The following LRRTM1 variants were observed in gnomAD, a reference collection of about 807,000 sequenced individuals.
The protein encoded by LRRTM1 is leucine rich repeat transmembrane neuronal 1.
Under a neutral mutation model 37.3 loss-of-function variants are expected in LRRTM1, and 8 were observed. The ratio of observed to expected loss-of-function variants is 0.21; its 90% CI spans 0.13 to 0.39. LRRTM1 has a LOEUF of 0.39. Among genes scored for constraint, LRRTM1 ranks in the 10% least tolerant of loss-of-function variants. The probability of loss-of-function intolerance (pLI) is 1.00; values close to 1 mark genes in which losing one functional copy is unlikely to be tolerated. For synonymous variants in LRRTM1, 326 were observed against 316.8 expected, an observed-to-expected ratio of 1.03 and a Z score of -0.31; for missense variants, 557 against 691.0, an observed-to-expected ratio of 0.81 and a Z score of 2.17.
At chr2:80,292,464 A>G (rs1675345904) in intron 2 of LRRTM1, among the ~76,000 whole-genome samples, 1 of 152,104 alleles carries the variant, frequency 6.6e-6, no homozygotes, top group African/African-American at 2.4e-5. Flanking sequence ...GAGGATGCTA[A>G]TACTACTCTG....
In LRRTM1 at chr2:80,303,436, C is replaced by T. The variant is rs200965141; in HGVS notation, c.384G>A (p.Leu128=). The T allele has an allele frequency of 2.5e-6, 4 of 1,614,172 alleles. No homozygotes were observed. Among genetic ancestry groups the T allele is most frequent in the Non-Finnish European group, 3.4e-6 (4 of 1,180,040 alleles). The change falls in exon 2 of 2, where the codon CTG becomes CTA. Residue 128 remains leucine (L), a synonymous_variant. Transcript: ENST00000295057. The surrounding 1 kb of genome is among the most constrained non-coding windows in gnomAD (Gnocchi z 7.7). ...LTLSSNQITQ[L]PNTTFRPMPN... is the part of the protein sequence containing the mutation. Reference sequence around the variant, plus strand: ...GCATGGGCCGGAAGGTGGTGTTGGGCAGTTGGGTGATCTGGTTGGAACTCA... The same window carrying T: ...GCATGGGCCGGAAGGTGGTGTTGGGTAGTTGGGTGATCTGGTTGGAACTCA...
chr2:80,297,792 G>A (rs999585621), downstream of LRRTM1, among the ~76,000 whole-genome samples: 7 of 152,056 alleles, frequency 4.6e-5, no homozygotes, highest in South Asian at 4.1e-4. Context: ...CCTGCAAAGC[G>A]TCTACCTACT....
chr2:80,303,907 G>A lies in LRRTM1; in HGVS notation c.-59-29C>T, dbSNP rs932089342. ...CATCATATTTTATTCCGAGGGAGGG[G>A]AAGCGGGGGAGGGGGAGAAAAGGGC... is the stretch of plus-strand genomic sequence containing the variant. On this transcript the variant is annotated intron_variant, in intron 1 of 1. Coordinates refer to ENST00000295057, the MANE Select transcript of LRRTM1 (RefSeq NM_178839.5). This position sits in a 1 kb window ranked among gnomAD's most constrained non-coding sequence, Gnocchi z 7.7. The A allele has an allele frequency of 1.4e-6, 2 of 1,419,382 alleles. No individual in the cohort carries two copies. Among genetic ancestry groups the A allele is most frequent in the African/African-American group, 2.9e-5 (2 of 69,602 alleles). 87.9% of individuals were successfully genotyped at this position (1,419,382 alleles called of 1,614,324 possible).
chr2:80,299,093 T>G (rs115906470), downstream of LRRTM1: 407 of 152,216 alleles, frequency 2.7e-3, 3 homozygotes, highest in African/African-American at 9.3e-3. Context: ...GGTCAATCCA[T>G]CACAATGCCC....
chr2:80,300,852 C>T (rs1274468423), downstream of LRRTM1, among the ~76,000 whole-genome samples: 4 of 151,962 alleles, frequency 2.6e-5, no homozygotes, highest in Non-Finnish European at 4.4e-5. Flanking sequence ...CCACTACCAC[C>T]ACCTCCTCAC....
intron 2 of LRRTM1, among the ~76,000 whole-genome samples, chr2:80,296,145 A>G (rs1013549123): frequency 2.0e-5 from 3 of 152,158 alleles, no homozygotes; most frequent in Non-Finnish European, 2.9e-5. Context: ...ATGTGTAACA[A>G]TTGCATCATG....
intron 2 of LRRTM1, among the ~76,000 whole-genome samples, chr2:80,295,238 T>C (rs554441968): frequency 1.3e-5 from 2 of 151,982 alleles, no homozygotes; most frequent in Non-Finnish European, 2.9e-5. Context: ...TTTTTTTTTT[T>C]TGTGGGTAGG....
At chr2:80,294,701 T>G (rs1018751610) in intron 2 of LRRTM1, among the ~76,000 whole-genome samples, 1 of 152,058 alleles carries the variant, frequency 6.6e-6, no homozygotes, top group Non-Finnish European at 1.5e-5. Context: ...ACCAGTTAAC[T>G]CACAATCTGT....
At chr2:80,298,839 G>A (rs1675992209), downstream of LRRTM1, 5 of 152,264 alleles carry the variant, frequency 3.3e-5, no homozygotes, top group South Asian at 1.0e-3. Context: ...TGGGTAGGTG[G>A]TCTCAACTAT....
intron 2 of LRRTM1, among the ~76,000 whole-genome samples, chr2:80,294,205 G>A (rs546499539): frequency 4.8e-4 from 73 of 152,288 alleles, no homozygotes; most frequent in African/African-American, 1.7e-3. Flanking sequence ...TTTCAGATTT[G>A]AGTCTTCTTG....
At chr2:80,299,393 A>G (rs1336164948), downstream of LRRTM1, 1 of 151,916 alleles carries the variant, frequency 6.6e-6, no homozygotes, top group Non-Finnish European at 1.5e-5. Flanking sequence ...CTCCAGAGCT[A>G]GAGGCACAGG....
rs745448568 is a variant in LRRTM1, at chr2:80,303,326, G to C, written c.494C>G (p.Thr165Arg). 4 of 1,613,890 alleles carry C rather than the reference G, an allele frequency of 2.5e-6. No homozygotes were observed. Among genetic ancestry groups the C allele is most frequent in the Non-Finnish European group, 3.4e-6 (4 of 1,180,036 alleles). Residue 165 changes from threonine to arginine, a missense_variant, in exon 2 of 2, where the codon ACG becomes AGG. Thr to Arg is a moderately conservative substitution (Grantham distance 71). Coordinates refer to ENST00000295057, the MANE Select transcript of LRRTM1 (RefSeq NM_178839.5). This position sits in a 1 kb window ranked among gnomAD's most constrained non-coding sequence, Gnocchi z 7.7. ...GATGGCGTTGGCCCGCATATGCAGC[G>C]TGGTGAGCTTCCGCAGCCCGTGGAA... is the stretch of plus-strand genomic sequence containing the variant. ...DLFHGLRKLT[T>R]LHMRANAIQF...
chr2:80,290,598 A>AT (rs112046245), intron 2 of LRRTM1, among the ~76,000 whole-genome samples: 6,412 of 150,848 alleles, frequency 0.043, 434 homozygotes, highest in African/African-American at 0.14. Context: ...CTATTTAGAC[A>AT]TTTTTTTTCC....
downstream of LRRTM1, among the ~76,000 whole-genome samples, chr2:80,300,282 GTGTGTGTGTGTGTGTGT>G (rs947699846): frequency 1.1e-4 from 1 of 8,796 alleles, no homozygotes; most frequent in African/African-American, 5.6e-4. Context: ...GGGTGTTGGG[GTGTGTGTGTGTGTGTGT>G]GTGTGTGTGT....
At chr2:80,297,964 C>T (rs1172402042), downstream of LRRTM1, among the ~76,000 whole-genome samples, 1 of 151,356 alleles carries the variant, frequency 6.6e-6, no homozygotes. Context: ...CACCTGCCTG[C>T]GCGTGTATGG....
At chr2:80,289,938 G>C (rs551579780) in intron 2 of LRRTM1, among the ~76,000 whole-genome samples, 16 of 152,166 alleles carry the variant, frequency 1.1e-4, no homozygotes, top group Non-Finnish European at 2.2e-4. Flanking sequence ...CTGTGGAGGA[G>C]AGTTTGAAGG....
chr2:80,296,585 G>C (rs1028477471), intron 2 of LRRTM1, among the ~76,000 whole-genome samples: 2 of 152,162 alleles, frequency 1.3e-5, no homozygotes, highest in Non-Finnish European at 2.9e-5. Flanking sequence ...AGACTTAAAA[G>C]GAATAAGTCT....
At chr2:80,296,696 G>A (rs917658442) in intron 2 of LRRTM1, among the ~76,000 whole-genome samples, 2 of 152,070 alleles carry the variant, frequency 1.3e-5, no homozygotes, top group Non-Finnish European at 2.9e-5. Context: ...CGTGGAGCAG[G>A]GTTTTTCAAC....
Position 80,302,236 on chromosome 2 carries a change from G to C in LRRTM1, c.*15C>G. ...GCGTATTTGGTAGCGCATGGGTTGAGAGCCACTGGGACAATCACACCTCGC... is the reference window on the plus strand; with the variant it reads ...GCGTATTTGGTAGCGCATGGGTTGACAGCCACTGGGACAATCACACCTCGC... On this transcript the variant is annotated 3_prime_UTR_variant, in exon 2 of 2. Transcript: ENST00000295057. The surrounding 1 kb of genome is among the most constrained non-coding windows in gnomAD (Gnocchi z 6.4). The C allele has an allele frequency of 1.2e-6, 2 of 1,607,398 alleles. No homozygotes were observed. Among genetic ancestry groups the C allele is most frequent in the South Asian group, 1.1e-5 (1 of 90,022 alleles).
Sources: allele counts gnomAD v4.1 joint callset (sites outside exome capture counted in the v4.1 genomes callset), GRCh38; gene constraint gnomAD v4.1.1; non-coding constraint Gnocchi (gnomAD v3.1); transcripts MANE v1.5; gene names NCBI Gene and HGNC (gene_info 2026-07-23, HGNC 2026-07-21).